Variants in STMN4 observed in about 807,000 individuals in gnomAD.
The protein encoded by STMN4 is stathmin 4, also known as stathmin-4.
A neutral mutation model predicts 29.1 loss-of-function variants in STMN4; 12 were observed. The ratio of observed to expected loss-of-function variants is 0.41; its 90% CI spans 0.26 to 0.67. The LOEUF is 0.67. STMN4 is among the 30% of genes least tolerant of loss of function. STMN4 has a pLI of 0.30. For synonymous variants in STMN4, 114 were observed against 105.3 expected, an observed-to-expected ratio of 1.08 and a Z score of -0.51; for missense variants, 181 against 262.8, an observed-to-expected ratio of 0.69 and a Z score of 2.15.
At chr8:27,249,788 G>A (rs17445483) in intron 1 of STMN4, among the ~76,000 whole-genome samples, 9,512 of 152,248 alleles carry the variant, frequency 0.062, 417 homozygotes, top group Non-Finnish European at 0.092. Context: ...CAGATGACAC[G>A]TGGCCACCTA....
At chr8:27,237,024 T>C in intron 6 of STMN4, 119 bp from the exon 7 acceptor site, 4 of 1,098,096 alleles carry the variant, frequency 3.6e-6, no homozygotes, top group Non-Finnish European at 3.8e-6. Context: ...CGAAGAGCTC[T>C]GTCTGCAAAG....
In STMN4 at chr8:27,235,699, G is replaced by A. The variant is rs552045662; in HGVS notation, c.*1147C>T. The stretch of plus-strand genomic sequence containing the variant: ...GAATTAAGAGATAGGGCCTTAAGAG[G>A]TGAGATCATGAGGACTCCACCTTCA... On this transcript the variant is annotated 3_prime_UTR_variant, in exon 7 of 7. Coordinates refer to ENST00000350889, the MANE Select transcript of STMN4 (RefSeq NM_030795.4). 6.6e-6 allele frequency: 1 copy of A among 152,216 alleles called. No homozygotes were observed. The highest frequency in any genetic ancestry group is 1.5e-5 in the Non-Finnish European group (1 of 68,050). The allele number at this position is 152,216 out of a possible 1,614,324, so 9.4% of individuals were successfully genotyped here. A position where few individuals can be genotyped will look rare whatever the true frequency, so the allele number is the denominator to read the frequency against.
intron 1 of STMN4, among the ~76,000 whole-genome samples, chr8:27,254,846 G>T (rs1165446403): frequency 5.6e-5 from 8 of 141,662 alleles, no homozygotes; most frequent in Non-Finnish European, 1.2e-4. Context: ...TGTAGGGGAT[G>T]GAGTGGGAGC....
intron 1 of STMN4, among the ~76,000 whole-genome samples, chr8:27,254,939 AG>A (rs1404133709): frequency 6.7e-6 from 1 of 150,202 alleles, no homozygotes. Flanking sequence ...TCGTGTGTGT[AG>A]GGGATGGAGT....
At position 27,241,225 on chromosome 8, in the gene STMN4, G is replaced by A. The variant is rs1032911710; in HGVS notation, c.228C>T (p.Asp76=). ...TVDLNWCVIS[D]MEVIELNKCT... is the part of the protein sequence containing the mutation. ...ATTTGTTCAGCTCGATGACTTCCAT[G>A]TCGGAAATGACGCACCAATTCAGGT... The change falls in exon 5 of 7, where the codon GAC becomes GAT. Residue 76 remains aspartate, a synonymous_variant. Coordinates refer to ENST00000350889, the MANE Select transcript of STMN4 (RefSeq NM_030795.4). 11 of 1,614,100 alleles carry A rather than the reference G, an allele frequency of 6.8e-6. No homozygotes were observed. The highest frequency in any genetic ancestry group is 1.3e-5 in the African/African-American group (1 of 74,932).
At chr8:27,254,342 T>G (rs898507287) in intron 1 of STMN4, among the ~76,000 whole-genome samples, 1 of 152,224 alleles carries the variant, frequency 6.6e-6, no homozygotes, top group Non-Finnish European at 1.5e-5. Context: ...TCATCCTAGA[T>G]CTGCGCTCAG....
chr8:27,248,276 T>C (rs1490969317), intron 1 of STMN4, among the ~76,000 whole-genome samples: 1 of 152,160 alleles, frequency 6.6e-6, no homozygotes. Flanking sequence ...CTCTGCTAGA[T>C]CTTCAGATGG....
At chr8:27,255,851 T>C (rs1182888646) in intron 1 of STMN4, among the ~76,000 whole-genome samples, 1 of 152,126 alleles carries the variant, frequency 6.6e-6, no homozygotes, top group East Asian at 1.9e-4. Context: ...CAAGCAAAAA[T>C]GCAGGACACT....
Position 27,255,262 on chromosome 8 carries a change from G to A in STMN4, c.-79+3089C>T, listed in dbSNP as rs752772736. On this transcript the variant is annotated intron_variant, in intron 1 of 6. Coordinates refer to ENST00000350889, the MANE Select transcript of STMN4 (RefSeq NM_030795.4). ...AAAATGGATTTGTTCCCTGAGTGGC[G>A]TTACGAAAATTACACTTTACATGTT... Among the ~76,000 whole-genome samples the A allele has an allele frequency of 4.5e-4, 68 of 152,156 alleles. 1 individual carries two copies. Among genetic ancestry groups the A allele is most frequent in the Middle Eastern group, 3.4e-3 (1 of 294 alleles).
chr8:27,240,277 C>T (rs747976994), intron 5 of STMN4, 115 bp from the exon 6 acceptor site: 4 of 1,115,162 alleles, frequency 3.6e-6, no homozygotes, highest in Non-Finnish European at 5.1e-6. Flanking sequence ...TGGGCCTGGT[C>T]CCCAGACCAT....
intron 2 of STMN4, among the ~76,000 whole-genome samples, chr8:27,243,396 G>A (rs756567972): frequency 3.3e-5 from 5 of 152,022 alleles, no homozygotes; most frequent in Admixed American, 6.5e-5. Context: ...TTGAAAATAC[G>A]TGTAACTGCA....
At chr8:27,239,117 C>G in intron 6 of STMN4, 1 of 1,323,288 alleles carries the variant, frequency 7.6e-7, no homozygotes, top group Non-Finnish European at 1.0e-6. Flanking sequence ...CCAGGGCCTA[C>G]GCAACATTCA....
At chr8:27,254,396 C>G (rs1554546439) in intron 1 of STMN4, among the ~76,000 whole-genome samples, 1 of 152,178 alleles carries the variant, frequency 6.6e-6, no homozygotes, top group Non-Finnish European at 1.5e-5. Flanking sequence ...TATCCAAACT[C>G]TCGAGTTGCC....
intron 1 of STMN4, among the ~76,000 whole-genome samples, chr8:27,246,916 C>T (rs1441964666): frequency 1.3e-5 from 2 of 152,220 alleles, no homozygotes; most frequent in Admixed American, 6.5e-5. Flanking sequence ...TGGTTTTTTT[C>T]ACCTCAGGTA....
intron 4 of STMN4, 94 bp from the exon 5 acceptor site, chr8:27,241,356 G>C (rs1221792948): frequency 1.3e-6 from 2 of 1,520,484 alleles, no homozygotes; most frequent in African/African-American, 2.7e-5. Context: ...GGGAGAACTG[G>C]GGCCCCAAGC....
intron 1 of STMN4, among the ~76,000 whole-genome samples, chr8:27,245,725 A>G (rs1801605299): frequency 6.6e-6 from 1 of 152,208 alleles, no homozygotes; most frequent in Non-Finnish European, 1.5e-5. Flanking sequence ...AAAGGATCAG[A>G]AGTGGAAGCC....
At chr8:27,239,485 C>T in intron 6 of STMN4, 1 of 677,546 alleles carries the variant, frequency 1.5e-6, no homozygotes, top group Non-Finnish European at 2.4e-6. Context: ...TTGGAAAGAC[C>T]TGTGACTCAC....
At chr8:27,240,497 G>A (rs1801438331) in intron 5 of STMN4, among the ~76,000 whole-genome samples, 1 of 152,198 alleles carries the variant, frequency 6.6e-6, no homozygotes, top group Non-Finnish European at 1.5e-5. Flanking sequence ...AAGTCTCACA[G>A]AGGTAAGACA....
intron 3 of STMN4, chr8:27,241,967 C>A (rs374392867): frequency 1.6e-6 from 1 of 609,602 alleles, no homozygotes. Context: ...GCCACAGAAC[C>A]TCCTCTTCCC....
Sources: allele counts gnomAD v4.1 joint callset (sites outside exome capture counted in the v4.1 genomes callset), GRCh38; gene constraint gnomAD v4.1.1; transcripts MANE v1.5; gene names NCBI Gene and HGNC (gene_info 2026-07-23, HGNC 2026-07-21).